Variants in CFAP299 observed in about 807,000 individuals in gnomAD.
CFAP299 encodes cilia- and flagella-associated protein 299.
Under a neutral mutation model 27.0 loss-of-function variants are expected in CFAP299, and 21 were observed. The observed-to-expected ratio is 0.78, with a 90% confidence interval of 0.55 to 1.12. The LOEUF is 1.12. Ranked by LOEUF, CFAP299 falls within the 50% of genes most tolerant of loss-of-function variation. The pLI is 0.00. For missense variants in CFAP299, 310 were observed against 276.6 expected (o/e 1.12, Z -0.86); for synonymous variants, 104 against 98.1 (o/e 1.06, Z -0.36).
chr4:80,401,666 A>C (rs1726165901), intron 2 of CFAP299, among the ~76,000 whole-genome samples: 1 of 152,176 alleles, frequency 6.6e-6, no homozygotes, highest in Non-Finnish European at 1.5e-5. Context: ...GGCAGTGTGG[A>C]AGGGAAATGT....
intron 4 of CFAP299, among the ~76,000 whole-genome samples, chr4:80,944,241 C>T (rs1019936642): frequency 2.0e-5 from 3 of 152,086 alleles, no homozygotes; most frequent in Non-Finnish European, 2.9e-5. Flanking sequence ...CTCCCCGAGT[C>T]GTTTTGCTTT....
At chr4:80,327,481 G>A in the CFAP299 span, among the ~76,000 whole-genome samples, 1 of 151,654 alleles carries the variant, frequency 6.6e-6, no homozygotes, top group African/African-American at 2.4e-5. Context: ...AGAGTGACAC[G>A]ATCTGATATG....
intron 2 of CFAP299, among the ~76,000 whole-genome samples, chr4:80,411,786 G>A (rs1726734338): frequency 6.6e-6 from 1 of 151,930 alleles, no homozygotes; most frequent in East Asian, 1.9e-4. Flanking sequence ...ATTCTCTTTT[G>A]CATTCAATAA....
intron 3 of CFAP299, among the ~76,000 whole-genome samples, chr4:80,658,725 T>C (rs1740686447): frequency 6.6e-6 from 1 of 152,124 alleles, no homozygotes; most frequent in Non-Finnish European, 1.5e-5. Context: ...AGAATAGTGC[T>C]TATCATAACC....
intron 3 of CFAP299, among the ~76,000 whole-genome samples, chr4:80,764,318 A>C (rs942892658): frequency 7.9e-5 from 12 of 152,236 alleles, no homozygotes; most frequent in Admixed American, 7.9e-4. Context: ...AAAAGAAGAC[A>C]TTTATGCGGC....
At chr4:80,691,537 C>G (rs549889456) in intron 3 of CFAP299, among the ~76,000 whole-genome samples, 1 of 151,954 alleles carries the variant, frequency 6.6e-6, no homozygotes, top group Non-Finnish European at 1.5e-5. Context: ...ATTGATGGGA[C>G]GTATTTCAAA....
At chr4:80,660,940 A>G (rs1740811016) in intron 3 of CFAP299, among the ~76,000 whole-genome samples, 1 of 152,128 alleles carries the variant, frequency 6.6e-6, no homozygotes, top group African/African-American at 2.4e-5. Context: ...ACAACAAAAG[A>G]CCAAAAAGAC....
chr4:80,743,792 C>G (rs914359327), intron 3 of CFAP299, among the ~76,000 whole-genome samples: 2 of 152,070 alleles, frequency 1.3e-5, no homozygotes, highest in African/African-American at 4.8e-5. Context: ...GTGTAACAAA[C>G]CTGCACATTC....
intron 3 of CFAP299, among the ~76,000 whole-genome samples, chr4:80,731,949 A>C (rs1196675130): frequency 1.3e-5 from 2 of 152,112 alleles, no homozygotes; most frequent in East Asian, 3.9e-4. Context: ...TATAAGATAC[A>C]ACCCTTAATT....
chr4:80,956,447 T>A (rs968881496), intron 5 of CFAP299, among the ~76,000 whole-genome samples: 1 of 152,062 alleles, frequency 6.6e-6, no homozygotes, highest in Non-Finnish European at 1.5e-5. Context: ...CTTATTTATA[T>A]ATTTATTTTA....
At chr4:80,889,725 A>G (rs1734158731) in intron 4 of CFAP299, among the ~76,000 whole-genome samples, 1 of 152,158 alleles carries the variant, frequency 6.6e-6, no homozygotes, top group African/African-American at 2.4e-5. Flanking sequence ...AAAATTCTCA[A>G]CAAAATACTC....
At chr4:80,472,307 G>A (rs1730040556) in intron 2 of CFAP299, among the ~76,000 whole-genome samples, 1 of 152,126 alleles carries the variant, frequency 6.6e-6, no homozygotes, top group East Asian at 1.9e-4. Context: ...TAGGTTTCAG[G>A]TACATATATT....
intron 3 of CFAP299, among the ~76,000 whole-genome samples, chr4:80,689,087 G>T (rs570445351): frequency 1.3e-5 from 2 of 152,302 alleles, no homozygotes; most frequent in South Asian, 2.1e-4. Context: ...GAAAGTGACG[G>T]GGAGAATGGA....
At chr4:80,613,664 T>C (rs1738117644) in intron 3 of CFAP299, among the ~76,000 whole-genome samples, 1 of 152,154 alleles carries the variant, frequency 6.6e-6, no homozygotes, top group Non-Finnish European at 1.5e-5. Flanking sequence ...GAATCACCTA[T>C]GTTGATTTTG....
At chr4:80,700,505 G>C (rs2110026428) in intron 3 of CFAP299, among the ~76,000 whole-genome samples, 1 of 152,190 alleles carries the variant, frequency 6.6e-6, no homozygotes, top group East Asian at 1.9e-4. Flanking sequence ...TTCAATTTTA[G>C]ATTTACTGAG....
At chr4:80,726,364 A>G (rs1435195963) in intron 3 of CFAP299, among the ~76,000 whole-genome samples, 1 of 152,166 alleles carries the variant, frequency 6.6e-6, no homozygotes, top group Non-Finnish European at 1.5e-5. Context: ...AAATTGCCCT[A>G]TTAAGTAGTC....
chr4:80,754,423 T>C (rs760147972), intron 3 of CFAP299, among the ~76,000 whole-genome samples: 3 of 152,118 alleles, frequency 2.0e-5, no homozygotes, highest in Non-Finnish European at 2.9e-5. Context: ...CATTCTTGAT[T>C]GTATTGATTA....
intron 1 of CFAP299, among the ~76,000 whole-genome samples, chr4:80,354,624 A>G (rs77777650): frequency 8.9e-4 from 135 of 152,262 alleles, no homozygotes; most frequent in African/African-American, 3.0e-3. Context: ...TCACCCAGGT[A>G]TTAAACCTAG....
At chr4:80,647,671 T>G (rs1481569212) in intron 3 of CFAP299, among the ~76,000 whole-genome samples, 2 of 147,246 alleles carry the variant, frequency 1.4e-5, no homozygotes, top group Non-Finnish European at 1.5e-5. Context: ...CACATTTGTT[T>G]CCACACATGT....
Sources: allele counts gnomAD v4.1 joint callset (sites outside exome capture counted in the v4.1 genomes callset), GRCh38; gene constraint gnomAD v4.1.1; transcripts MANE v1.5; gene names NCBI Gene and HGNC (gene_info 2026-07-23, HGNC 2026-07-21).